SLC4A5: variants seen among roughly 807,000 people sequenced by gnomAD.
SLC4A5 encodes the protein electrogenic sodium bicarbonate cotransporter 4.
A neutral mutation model predicts 120.4 loss-of-function variants in SLC4A5; 96 were observed. The ratio of observed to expected loss-of-function variants is 0.80; its 90% CI spans 0.68 to 0.94. The LOEUF (loss-of-function observed/expected upper bound fraction) is 0.94, where lower values mean the gene tolerates loss of function less well. Ranked by LOEUF, SLC4A5 falls within the 40% of genes least tolerant of loss-of-function variation. The probability of loss-of-function intolerance (pLI) is 0.00; values close to 1 mark genes in which losing one functional copy is unlikely to be tolerated. For missense variants in SLC4A5, 1,259 were observed against 1,459.5 expected, an observed-to-expected ratio of 0.86 and a Z score of 2.24; for synonymous variants, 550 against 571.1, an observed-to-expected ratio of 0.96 and a Z score of 0.53.
chr2:74,306,317 G>T (rs1247249040), intron 6 of SLC4A5, among the ~76,000 whole-genome samples: 1 of 152,094 alleles, frequency 6.6e-6, no homozygotes, highest in Non-Finnish European at 1.5e-5. Flanking sequence ...TTAGCCCCAG[G>T]ATAACTGCCT....
chr2:74,300,864 C>T lies in SLC4A5; in HGVS notation c.271+3625G>A, dbSNP rs573116842. Among the ~76,000 whole-genome samples the T allele has an allele frequency of 4.6e-5, 7 of 152,378 alleles. No homozygotes were observed. In the East Asian group the frequency reaches 1.2e-3, roughly 25 times the overall value. ...AAGGATGCCTGGGCTGGCCTCTTTC[C>T]TGCCCCTGACCTGCTGTGGGAATGA... On this transcript the variant is annotated intron_variant, in intron 7 of 30. Coordinates refer to ENST00000394019, the Ensembl canonical transcript of SLC4A5.
intron 30 of SLC4A5, among the ~76,000 whole-genome samples, chr2:74,220,575 GGC>G (rs1245352807): frequency 3.3e-5 from 5 of 151,712 alleles, no homozygotes; most frequent in South Asian, 2.1e-4. Context: ...GGAGTGCAGT[GGC>G]GTGATCTCGG....
At chr2:74,343,215 A>C (rs1352884332) in intron 1 of SLC4A5, 141 bp downstream of exon 1, 1 of 152,222 alleles carries the variant, frequency 6.6e-6, no homozygotes, top group Non-Finnish European at 1.5e-5. Context: ...ACAGGCCTTT[A>C]GCAAAAAGCA....
chr2:74,238,211 A>C (rs2103938097), intron 21 of SLC4A5, among the ~76,000 whole-genome samples: 1 of 152,304 alleles, frequency 6.6e-6, no homozygotes, highest in South Asian at 2.1e-4. Flanking sequence ...TCAAGACTTA[A>C]AGATCAAAAT....
chr2:74,308,856 T>C (rs1238298463), intron 6 of SLC4A5, among the ~76,000 whole-genome samples: 1 of 152,092 alleles, frequency 6.6e-6, no homozygotes, highest in East Asian at 1.9e-4. Flanking sequence ...TTTTGCATTA[T>C]ACATTTAGGT....
chr2:74,271,328 G>T (rs1475804492), intron 8 of SLC4A5, among the ~76,000 whole-genome samples: 1 of 152,102 alleles, frequency 6.6e-6, no homozygotes, highest in Non-Finnish European at 1.5e-5. Context: ...CACTGTTCTA[G>T]GACAGTGATT....
At chr2:74,294,341 C>G (rs1008881249) in intron 7 of SLC4A5, among the ~76,000 whole-genome samples, 1 of 152,096 alleles carries the variant, frequency 6.6e-6, no homozygotes, top group Admixed American at 6.5e-5. Flanking sequence ...ATCTCATTGG[C>G]GCACAAGGGA....
At chr2:74,252,054 G>A (rs866091494) in intron 16 of SLC4A5, 125 bp downstream of exon 16, 1 of 1,038,934 alleles carries the variant, frequency 9.6e-7, no homozygotes, top group Middle Eastern at 2.5e-4. Flanking sequence ...CTCTGGGAGG[G>A]AAAGAAGGCA....
At chr2:74,307,512 T>G in intron 6 of SLC4A5, 1 of 613,494 alleles carries the variant, frequency 1.6e-6, no homozygotes, top group South Asian at 1.4e-5. Context: ...CTCTGTCTCA[T>G]AGTTGACTCT....
intron 7 of SLC4A5, among the ~76,000 whole-genome samples, chr2:74,287,236 A>G (rs1255297685): frequency 6.6e-6 from 1 of 152,046 alleles, no homozygotes; most frequent in African/African-American, 2.4e-5. Context: ...TCCCAATCAA[A>G]CCAGCCAGGC....
At chr2:74,322,838 AAAAG>A (rs1384096893) in intron 5 of SLC4A5, among the ~76,000 whole-genome samples, 1 of 152,216 alleles carries the variant, frequency 6.6e-6, no homozygotes, top group Non-Finnish European at 1.5e-5. Context: ...GACTATGAAG[AAAAG>A]AAAGATCCCA....
intron 8 of SLC4A5, 41 bp downstream of exon 8, chr2:74,285,732 G>A (rs761161270): frequency 1.9e-6 from 3 of 1,600,254 alleles, no homozygotes; most frequent in African/African-American, 2.7e-5. Flanking sequence ...CAGGCTGTGT[G>A]AGACTGAAGT....
exon 11 of SLC4A5, chr2:74,262,167 T>A (rs775375831): frequency 5.0e-6 from 8 of 1,613,854 alleles, no homozygotes; most frequent in Non-Finnish European, 6.8e-6. Flanking sequence ...CTCTGCCGCA[T>A]CCGCAGGTCT....
At chr2:74,223,079 ACTGTAACCTCTGC>A (rs1694713825) in intron 28 of SLC4A5, 127 bp from the exon 29 acceptor site, 1 of 550,756 alleles carries the variant, frequency 1.8e-6, no homozygotes, top group Non-Finnish European at 3.1e-6. Flanking sequence ...ATCTCGGCTC[ACTGTAACCTCTGC>A]CTCCTGGGTT....
chr2:74,277,138 G>A (rs1241067973), intron 8 of SLC4A5, among the ~76,000 whole-genome samples: 2 of 152,204 alleles, frequency 1.3e-5, no homozygotes, highest in Non-Finnish European at 2.9e-5. Context: ...TCCTGACGAT[G>A]ACAGTGGCAT....
At position 74,231,416 on chromosome 2, in the gene SLC4A5, C is replaced by T. The variant is rs1670076398; in HGVS notation, c.2775-108G>A. 6 of 964,468 alleles carry T rather than the reference C, an allele frequency of 6.2e-6. No individual in the cohort carries two copies. The South Asian group carries it at 1.0e-4, about 16-fold the overall frequency. 59.7% of individuals were successfully genotyped at this position (964,468 alleles called of 1,614,324 possible). ...TGAAGCTTGTGTCCAAGGCCATGGC[C>T]TTGAGGGCTTCTGCATGAAGCTCTG... is the stretch of plus-strand genomic sequence containing the variant. On this transcript the variant is annotated intron_variant, in intron 24 of 30. Transcript: ENST00000394019.
chr2:74,229,240 C>T (rs1395751580), intron 25 of SLC4A5, among the ~76,000 whole-genome samples: 4 of 143,230 alleles, frequency 2.8e-5, no homozygotes, highest in East Asian at 4.1e-4. Flanking sequence ...CTGGCCGATT[C>T]GAAGGTGTTT....
At chr2:74,287,753 T>G (rs548901798) in intron 7 of SLC4A5, among the ~76,000 whole-genome samples, 167 of 152,254 alleles carry the variant, frequency 1.1e-3, no homozygotes, top group Non-Finnish European at 2.0e-3. Flanking sequence ...CTTTCTTCCA[T>G]CCCCTCAACT....
rs777060409 is a variant in SLC4A5 at position 74,252,140 on chromosome 2, A to G, written c.1478+39T>C. On this transcript the variant is annotated intron_variant, in intron 16 of 30. Coordinates refer to ENST00000394019, the Ensembl canonical transcript of SLC4A5. ...AGGGCAGCTGAGAAGGGAGAAGTCT[A>G]AAGGACAGCAGGGTCACTGGGAGGC... 10 of 1,599,624 alleles carry G rather than the reference A, an allele frequency of 6.3e-6. No homozygotes were observed. In the South Asian group the frequency reaches 1.1e-4, roughly 18 times the overall value.
Sources: allele counts gnomAD v4.1 joint callset (sites outside exome capture counted in the v4.1 genomes callset), GRCh38; gene constraint gnomAD v4.1.1; transcripts MANE v1.5; gene names NCBI Gene and HGNC (gene_info 2026-07-23, HGNC 2026-07-21).